Variants in GRM7 observed in about 807,000 individuals in gnomAD.
GRM7 encodes glutamate metabotropic receptor 7.
GRM7 carries 35 observed loss-of-function variants against 84.5 expected under a neutral mutation model. The observed-to-expected ratio is 0.41, with a 90% CI of 0.32 to 0.55. GRM7 has a LOEUF of 0.55. Ranked by LOEUF, GRM7 falls within the 20% of genes least tolerant of loss-of-function variation. The pLI, the probability that GRM7 is intolerant of heterozygous loss-of-function variation, is 0.19. For missense variants in GRM7, 1,003 were observed against 1,194.6 expected, an observed-to-expected ratio of 0.84 and a Z score of 2.36; for synonymous variants, 487 against 455.1, an observed-to-expected ratio of 1.07 and a Z score of -0.89.
chr3:7,046,373 T>C (rs1046211471), intron 1 of GRM7, among the ~76,000 whole-genome samples: 1 of 152,170 alleles, frequency 6.6e-6, no homozygotes, highest in Non-Finnish European at 1.5e-5. Flanking sequence ...AAGTCTTACA[T>C]ATGATGTTTA....
chr3:7,427,785 G>A (rs939202089), intron 5 of GRM7, among the ~76,000 whole-genome samples: 1 of 152,104 alleles, frequency 6.6e-6, no homozygotes, highest in Non-Finnish European at 1.5e-5. Flanking sequence ...TGAGTAAATG[G>A]AAGCGCAGGA....
At chr3:7,289,758 A>T (rs983037614) in intron 2 of GRM7, among the ~76,000 whole-genome samples, 1 of 151,640 alleles carries the variant, frequency 6.6e-6, no homozygotes, top group Non-Finnish European at 1.5e-5. Flanking sequence ...TATCACAGGG[A>T]CAAAAAAACA....
chr3:7,051,631 C>A, intron 1 of GRM7, among the ~76,000 whole-genome samples: 1 of 151,626 alleles, frequency 6.6e-6, no homozygotes. Context: ...AATTGGTAAC[C>A]AGGATGTTTT....
At chr3:7,387,758 G>A (rs866940838) in intron 4 of GRM7, among the ~76,000 whole-genome samples, 3 of 151,970 alleles carry the variant, frequency 2.0e-5, no homozygotes, top group Non-Finnish European at 2.9e-5. Flanking sequence ...TAGGATTGCC[G>A]TGGCTATTCA....
chr3:6,944,358 C>A (rs562292131), intron 1 of GRM7, among the ~76,000 whole-genome samples: 7 of 152,082 alleles, frequency 4.6e-5, no homozygotes, highest in African/African-American at 1.7e-4. Flanking sequence ...CCCCTTTTCT[C>A]CTGGTTTTCT....
intron 2 of GRM7, among the ~76,000 whole-genome samples, chr3:7,229,471 C>T (rs936343919): frequency 4.6e-5 from 7 of 151,640 alleles, no homozygotes; most frequent in East Asian, 2.0e-4. Context: ...AACCCAAGAA[C>T]CCAAGCGCTT....
At chr3:7,571,278 A>G (rs1694641334) in intron 7 of GRM7, among the ~76,000 whole-genome samples, 1 of 152,050 alleles carries the variant, frequency 6.6e-6, no homozygotes, top group South Asian at 2.1e-4. Flanking sequence ...TTTCTTTTTT[A>G]TTGCATTGCC....
intron 1 of GRM7, among the ~76,000 whole-genome samples, chr3:7,035,309 A>C (rs1268975415): frequency 6.6e-6 from 1 of 152,156 alleles, no homozygotes; most frequent in Non-Finnish European, 1.5e-5. Flanking sequence ...TAGGAAAGAG[A>C]ATATTTCAGG....
rs575483035 is a variant in GRM7 at position 7,072,341 on chromosome 3, A to G, written c.520-74111A>G. ...CATTGTCTGTTTAAATAGTTTAGTA[A>G]GTTATTGTCAGTATGCTCATTTATC... On this transcript the variant is annotated intron_variant, in intron 1 of 9. Coordinates refer to ENST00000357716, the MANE Select transcript of GRM7 (RefSeq NM_000844.4). Among the ~76,000 whole-genome samples the G allele has an allele frequency of 7.2e-5, 11 of 152,234 alleles. No homozygotes were observed. The South Asian group carries it at 1.5e-3, about 20-fold the overall frequency.
intron 7 of GRM7, among the ~76,000 whole-genome samples, chr3:7,523,793 G>A (rs1300310577): frequency 5.3e-5 from 8 of 152,060 alleles, no homozygotes; most frequent in Admixed American, 4.6e-4. Flanking sequence ...GATATAGTGG[G>A]GATTAAGGAC....
chr3:7,126,373 A>T (rs753197144), intron 1 of GRM7, among the ~76,000 whole-genome samples: 1 of 152,200 alleles, frequency 6.6e-6, no homozygotes, highest in Non-Finnish European at 1.5e-5. Context: ...TCAGGCATAG[A>T]GCAGTACATT....
At chr3:6,909,302 T>C (rs1304227512) in intron 1 of GRM7, among the ~76,000 whole-genome samples, 1 of 152,168 alleles carries the variant, frequency 6.6e-6, no homozygotes, top group African/African-American at 2.4e-5. Context: ...AAATCAATAA[T>C]AGTAAAACTG....
intron 1 of GRM7, among the ~76,000 whole-genome samples, chr3:6,876,598 A>ATTT (rs1695313207): frequency 1.2e-5 from 1 of 83,312 alleles, no homozygotes; most frequent in African/African-American, 4.5e-5. Context: ...TTTTACCACT[A>ATTT]ATTTTTTTTT....
chr3:7,364,324 C>T (rs1693788361), intron 4 of GRM7, among the ~76,000 whole-genome samples: 2 of 151,680 alleles, frequency 1.3e-5, no homozygotes, highest in South Asian at 4.2e-4. Flanking sequence ...TATACAGGCT[C>T]TCACAGTTTT....
At chr3:7,196,316 T>A (rs1331140120) in intron 2 of GRM7, among the ~76,000 whole-genome samples, 2 of 152,104 alleles carry the variant, frequency 1.3e-5, no homozygotes, top group African/African-American at 4.8e-5. Context: ...ATTTAAATGT[T>A]AATCTCATCT....
intron 5 of GRM7, among the ~76,000 whole-genome samples, chr3:7,419,737 G>A (rs1696319437): frequency 6.6e-6 from 1 of 152,140 alleles, no homozygotes; most frequent in Non-Finnish European, 1.5e-5. Flanking sequence ...TTACCTCCTT[G>A]CTGAAAAGCA....
chr3:7,465,144 G>A (rs1294597641), intron 7 of GRM7, among the ~76,000 whole-genome samples: 2 of 152,118 alleles, frequency 1.3e-5, no homozygotes, highest in Admixed American at 6.5e-5. Context: ...GTTTGTTCTT[G>A]GCTTGGAACT....
At chr3:7,199,483 G>A (rs1448136714) in intron 2 of GRM7, among the ~76,000 whole-genome samples, 1 of 152,266 alleles carries the variant, frequency 6.6e-6, no homozygotes, top group Non-Finnish European at 1.5e-5. Flanking sequence ...AAGCTCTGGA[G>A]TATCATGCTA....
In GRM7 at chr3:7,326,758, C is replaced by A. The variant is rs563104245; in HGVS notation, c.1033+20106C>A. On this transcript the variant is annotated intron_variant, in intron 4 of 9. Transcript: ENST00000357716. ...CTGAGGTAGGAGAATTGCTTGAACC[C>A]GGGAGGTGGAGGTTGCAGTGAGCCG... 2.0e-5 allele frequency among the ~76,000 whole-genome samples: 3 copies of A among 150,736 alleles called. No individual in the cohort carries two copies. In the East Asian group the frequency reaches 5.9e-4, roughly 29 times the overall value.
Sources: gnomAD v4.1 joint callset for allele counts (sites outside exome capture counted in the v4.1 genomes callset) on GRCh38, gnomAD v4.1.1 for gene constraint, MANE v1.5 for transcripts, NCBI Gene and HGNC (gene_info 2026-07-23, HGNC 2026-07-21) for gene names.